The following BMP2K variants were observed in gnomAD, a reference collection of about 807,000 sequenced individuals.
BMP2K encodes the protein BMP-2-inducible protein kinase.
In BMP2K, 74 loss-of-function variants were observed where a neutral mutation model predicts 116.0. That is an observed-to-expected ratio of 0.64 (90% CI 0.53 to 0.77). The LOEUF is 0.77. Among genes scored for constraint, BMP2K ranks in the 30% least tolerant of loss-of-function variants. BMP2K has a pLI of 0.00. For synonymous variants in BMP2K, 486 were observed against 502.5 expected (o/e 0.97, Z 0.44); for missense variants, 1,365 against 1,403.6 (o/e 0.97, Z 0.44).
At chr4:78,811,495 A>G (rs899263373) in intron 1 of BMP2K, among the ~76,000 whole-genome samples, 1 of 152,250 alleles carries the variant, frequency 6.6e-6, no homozygotes, top group Non-Finnish European at 1.5e-5. Flanking sequence ...ACATGTATGC[A>G]TATGCAGGTA....
At chr4:78,779,018 C>G (rs1727379928) in intron 1 of BMP2K, among the ~76,000 whole-genome samples, 1 of 152,152 alleles carries the variant, frequency 6.6e-6, no homozygotes, top group African/African-American at 2.4e-5. Flanking sequence ...TTGCCATGCT[C>G]CTGCAAACAT....
rs1734625437 is a variant in BMP2K, at chr4:78,911,743, T to C, written c.3196T>C (p.Leu1066=). The change falls in exon 16 of 16, where the codon TTG becomes CTG. Residue 1066 remains leucine (L), a synonymous_variant. Coordinates refer to ENST00000502613, the MANE Select transcript of BMP2K (RefSeq NM_198892.2). ...TGTCTTACAACCTGAGGAGAGCCTG[T>C]TGGACCCCTTCGGTGCCAAGCCCTT... The part of the protein sequence containing the change: ...GNVLQPEESL[L]DPFGAKPFHS... The C allele has an allele frequency of 1.9e-6, 3 of 1,613,960 alleles. No individual in the cohort carries two copies. The East Asian group carries it at 6.7e-5, about 36-fold the overall frequency.
At chr4:78,859,829 G>A in intron 8 of BMP2K, 142 bp downstream of exon 8, 1 of 633,994 alleles carries the variant, frequency 1.6e-6, no homozygotes. Flanking sequence ...CTGATTGTGT[G>A]TTTGATATTT....
chr4:78,864,268 A>G (rs1359920197), intron 9 of BMP2K, among the ~76,000 whole-genome samples: 1 of 152,126 alleles, frequency 6.6e-6, no homozygotes, highest in East Asian at 1.9e-4. Flanking sequence ...ATTGTGTACA[A>G]TATTTCCCCC....
At chr4:78,791,832 A>G (rs1728016873) in intron 1 of BMP2K, among the ~76,000 whole-genome samples, 1 of 150,608 alleles carries the variant, frequency 6.6e-6, no homozygotes, top group African/African-American at 2.5e-5. Flanking sequence ...TATATATCAC[A>G]TTTTGTCTGT....
Position 78,910,974 on chromosome 4 carries a change from T to G in BMP2K, c.2427T>G (p.Ala809=), listed in dbSNP as rs762434012. 8.7e-6 allele frequency: 14 copies of G among 1,613,492 alleles called. No homozygotes were observed. In the South Asian group the frequency reaches 1.4e-4, roughly 16 times the overall value. ...KHSSDSDYEQ[A]KAKYSDMSSV... ...GCTCTGATTCTGATTATGAGCAGGCTAAAGCAAAGTACAGTGACATGAGCT... is the reference window on the plus strand; with the variant it reads ...GCTCTGATTCTGATTATGAGCAGGCGAAAGCAAAGTACAGTGACATGAGCT... Residue 809 remains alanine, a synonymous_variant, in exon 16 of 16, where the codon GCT becomes GCG. Coordinates refer to ENST00000502613, the MANE Select transcript of BMP2K (RefSeq NM_198892.2).
At chr4:78,906,474 C>G (rs914791824) in intron 15 of BMP2K, among the ~76,000 whole-genome samples, 1 of 152,140 alleles carries the variant, frequency 6.6e-6, no homozygotes, top group African/African-American at 2.4e-5. Context: ...ATGATTGTGT[C>G]TTTTCTTGCT....
At chr4:78,819,990 A>G (rs1232013984) in intron 1 of BMP2K, among the ~76,000 whole-genome samples, 2 of 152,138 alleles carry the variant, frequency 1.3e-5, no homozygotes, top group Admixed American at 1.3e-4. Context: ...TAGGGTGTGG[A>G]TTCTAGTGTA....
chr4:78,789,339 T>A (rs1013359425), intron 1 of BMP2K, among the ~76,000 whole-genome samples: 1 of 152,198 alleles, frequency 6.6e-6, no homozygotes, highest in Non-Finnish European at 1.5e-5. Context: ...ATTTTTATTT[T>A]TCATTTTGTT....
intron 9 of BMP2K, among the ~76,000 whole-genome samples, chr4:78,862,885 C>G (rs774660993): frequency 2.2e-4 from 33 of 152,050 alleles, no homozygotes; most frequent in Non-Finnish European, 3.7e-4. Flanking sequence ...TATGACATAG[C>G]TTTAATTAGC....
At chr4:78,811,299 AG>A (rs1729076007) in intron 1 of BMP2K, among the ~76,000 whole-genome samples, 1 of 152,242 alleles carries the variant, frequency 6.6e-6, no homozygotes, top group African/African-American at 2.4e-5. Context: ...AAGCCTAGAG[AG>A]GGTAGGACAG....
intron 1 of BMP2K, among the ~76,000 whole-genome samples, chr4:78,780,150 T>C (rs1352841839): frequency 6.6e-6 from 1 of 152,174 alleles, no homozygotes; most frequent in Non-Finnish European, 1.5e-5. Flanking sequence ...TTAATACTGA[T>C]TGATAATAAG....
rs148093703 is a variant in BMP2K, at chr4:78,818,947, C to A, written c.179-7090C>A. Among the ~76,000 whole-genome samples, 1,270 of 152,134 alleles carry A rather than the reference C, an allele frequency of 8.3e-3. 7 individuals are homozygous for A. The highest frequency in any genetic ancestry group is 0.013 in the South Asian group (62 of 4,806). On this transcript the variant is annotated intron_variant, in intron 1 of 15. Transcript: ENST00000502613. ...GAGTTGTTGGGATTACAAGTGCATG[C>A]CACCATGCCTGGCTAATTTTTTGTA...
chr4:78,910,791 C>T lies in BMP2K; in HGVS notation c.2244C>T (p.Pro748=). Residue 748 remains proline, a synonymous_variant, in exon 16 of 16, where the codon CCC becomes CCT. Transcript: ENST00000502613. The part of the protein sequence containing the change: ...DESESDFESD[P]PSPKSSEEEE... The stretch of plus-strand genomic sequence containing the variant: ...CTGAAAGTGATTTTGAATCAGATCC[C>T]CCTTCTCCTAAGAGCAGTGAAGAGG... 2 of 1,613,728 alleles carry T rather than the reference C, an allele frequency of 1.2e-6. No individual in the cohort carries two copies. Among genetic ancestry groups the T allele is most frequent in the East Asian group, 2.2e-5 (1 of 44,866 alleles).
In BMP2K at chr4:78,859,573, T is replaced by G. The variant is rs751946402; in HGVS notation, c.884-11T>G. Reference sequence around the variant, plus strand: ...CATAAAACTTCTTAACATTTTGATCTATTCTTGCAGGGTTCATGCTTGAAC... The same window carrying G: ...CATAAAACTTCTTAACATTTTGATCGATTCTTGCAGGGTTCATGCTTGAAC... On this transcript the variant is annotated splice_polypyrimidine_tract_variant and intron_variant, in intron 7 of 15. Coordinates refer to ENST00000502613, the MANE Select transcript of BMP2K (RefSeq NM_198892.2). The G allele has an allele frequency of 1.9e-6, 3 of 1,569,980 alleles. No individual in the cohort carries two copies. Among genetic ancestry groups the G allele is most frequent in the South Asian group, 1.2e-5 (1 of 85,714 alleles).
intron 1 of BMP2K, among the ~76,000 whole-genome samples, chr4:78,794,266 C>G (rs902407838): frequency 1.3e-5 from 2 of 152,084 alleles, no homozygotes; most frequent in African/African-American, 4.8e-5. Flanking sequence ...CTTGACCTCT[C>G]AAGTTGGAAC....
chr4:78,863,275 G>A (rs1009356415), intron 9 of BMP2K, among the ~76,000 whole-genome samples: 3 of 151,932 alleles, frequency 2.0e-5, no homozygotes, highest in African/African-American at 7.2e-5. Context: ...TGTATACAAA[G>A]CTTAATATTA....
intron 14 of BMP2K, among the ~76,000 whole-genome samples, chr4:78,883,225 A>G (rs936983194): frequency 1.3e-5 from 2 of 152,170 alleles, no homozygotes; most frequent in African/African-American, 4.8e-5. Context: ...AATCTAAAGA[A>G]AACCAGTCAT....
In BMP2K at chr4:78,845,014, A is replaced by G; in HGVS notation, c.633A>G (p.Lys211=). 1 of 1,588,244 alleles carries G rather than the reference A, an allele frequency of 6.3e-7. No homozygotes were observed. Among genetic ancestry groups the G allele is most frequent in the Non-Finnish European group, 8.6e-7 (1 of 1,158,110 alleles). The change falls in exon 5 of 16, where the codon AAA becomes AAG. Residue 211 remains lysine (K), a synonymous_variant. Transcript: ENST00000502613. ...SATNKFLNPQ[K]DGVNVVEEEI... is the part of the protein sequence containing the mutation. ...CTAATAAATTTCTTAATCCTCAAAA[A>G]GATGGAGTTAATGTAGTAGAAGAAG...
Sources: allele counts gnomAD v4.1 joint callset (sites outside exome capture counted in the v4.1 genomes callset), GRCh38; gene constraint gnomAD v4.1.1; transcripts MANE v1.5; gene names NCBI Gene and HGNC (gene_info 2026-07-23, HGNC 2026-07-21).